VPS13B: variants seen among roughly 807,000 people sequenced by gnomAD.
VPS13B encodes the protein vacuolar protein sorting 13 homolog B, also known as intermembrane lipid transfer protein VPS13B.
VPS13B carries 285 observed loss-of-function variants against 426.4 expected under a neutral mutation model. That is an observed-to-expected ratio of 0.67 (90% confidence interval 0.61 to 0.74). VPS13B has a LOEUF of 0.74. VPS13B is among the 30% of genes least tolerant of loss of function. The pLI is 0.00. For synonymous variants in VPS13B, 1,676 were observed against 1,676.4 expected, an observed-to-expected ratio of 1.00 and a Z score of 0.01; for missense variants, 4,537 against 4,782.6, an observed-to-expected ratio of 0.95 and a Z score of 1.51.
At chr8:99,242,479 A>G (rs958461757) in intron 17 of VPS13B, among the ~76,000 whole-genome samples, 1 of 152,136 alleles carries the variant, frequency 6.6e-6, no homozygotes. Context: ...CTCATTTTAT[A>G]TGTATAGGTT....
At chr8:99,107,806 T>G (rs762406079) in intron 5 of VPS13B, among the ~76,000 whole-genome samples, 15 of 152,248 alleles carry the variant, frequency 9.9e-5, no homozygotes, top group Non-Finnish European at 2.1e-4. Flanking sequence ...TTTATTACCA[T>G]CCATACTATC....
At chr8:99,622,672 C>T (rs1386363885) in intron 33 of VPS13B, among the ~76,000 whole-genome samples, 1 of 152,142 alleles carries the variant, frequency 6.6e-6, no homozygotes, top group Non-Finnish European at 1.5e-5. Flanking sequence ...TTAGCATGTT[C>T]AGAATGGAAC....
At chr8:99,685,033 C>T (rs1282024793) in intron 35 of VPS13B, among the ~76,000 whole-genome samples, 1 of 152,192 alleles carries the variant, frequency 6.6e-6, no homozygotes, top group Non-Finnish European at 1.5e-5. Flanking sequence ...GAACTCCTGA[C>T]TTTGTGATCC....
intron 35 of VPS13B, among the ~76,000 whole-genome samples, chr8:99,671,574 G>A (rs761865288): frequency 5.3e-5 from 8 of 152,042 alleles, no homozygotes; most frequent in South Asian, 2.1e-4. Context: ...TTTCCCCTGT[G>A]TTTTCTTCTA....
At chr8:99,528,747 A>G (rs372572388) in intron 30 of VPS13B, among the ~76,000 whole-genome samples, 3 of 152,256 alleles carry the variant, frequency 2.0e-5, no homozygotes, top group Admixed American at 1.3e-4. Flanking sequence ...TAGATTTGCA[A>G]TTTTCACACA....
intron 21 of VPS13B, among the ~76,000 whole-genome samples, chr8:99,426,739 T>C (rs1816730538): frequency 5.8e-5 from 6 of 102,570 alleles, no homozygotes; most frequent in Admixed American, 2.0e-4. Flanking sequence ...TCATGTCCTT[T>C]GCCCACTTTT....
Position 99,637,418 on chromosome 8 carries a change from G to T in VPS13B, c.5221-4393G>T, listed in dbSNP as rs75582324. 3.1e-4 allele frequency among the ~76,000 whole-genome samples: 47 copies of T among 152,080 alleles called. No homozygotes were observed. In the East Asian group the frequency reaches 9.1e-3, roughly 29 times the overall value. ...TTAGGAATTTAGTTTTCTAGTACTG[G>T]GTAAGTTGTACTTTTTCTTTTCCTT... On this transcript the variant is annotated intron_variant, in intron 33 of 61. Coordinates refer to ENST00000357162, the MANE Select transcript of VPS13B (RefSeq NM_152564.5).
At chr8:99,349,492 A>G (rs1464222689) in intron 19 of VPS13B, among the ~76,000 whole-genome samples, 3 of 152,136 alleles carry the variant, frequency 2.0e-5, no homozygotes, top group African/African-American at 7.2e-5. Context: ...TTAGCACAGT[A>G]TGTATTTTAT....
At chr8:99,074,962 C>T (rs1384613162) in intron 3 of VPS13B, among the ~76,000 whole-genome samples, 1 of 151,994 alleles carries the variant, frequency 6.6e-6, no homozygotes, top group East Asian at 1.9e-4. Flanking sequence ...GTTGTTGTGT[C>T]CTTGTCTGTT....
At chr8:99,091,526 C>T (rs775918207) in intron 3 of VPS13B, among the ~76,000 whole-genome samples, 3 of 152,062 alleles carry the variant, frequency 2.0e-5, no homozygotes, top group Non-Finnish European at 4.4e-5. Context: ...TTTATTTAAG[C>T]ATGCTTGATA....
chr8:99,325,639 C>G (rs1810213117), intron 19 of VPS13B, among the ~76,000 whole-genome samples: 1 of 152,184 alleles, frequency 6.6e-6, no homozygotes. Flanking sequence ...TCTGGCATCT[C>G]AGGGGAGAGT....
intron 19 of VPS13B, among the ~76,000 whole-genome samples, chr8:99,361,339 C>G (rs1022806068): frequency 2.0e-5 from 3 of 152,096 alleles, no homozygotes; most frequent in Non-Finnish European, 2.9e-5. Flanking sequence ...TAATAAAAGA[C>G]CAGATAATTT....
chr8:99,508,373 G>C (rs1324352996), intron 28 of VPS13B, among the ~76,000 whole-genome samples: 1 of 152,122 alleles, frequency 6.6e-6, no homozygotes, highest in African/African-American at 2.4e-5. Flanking sequence ...TGAACACAAG[G>C]CTGTATCAGT....
rs1222888792 is a variant in VPS13B, at chr8:99,693,659, C to T, written c.6047-5866C>T. Among the ~76,000 whole-genome samples, 18 of 109,232 alleles carry T rather than the reference C, an allele frequency of 1.6e-4. No individual in the cohort carries two copies. In the East Asian group the frequency reaches 3.4e-3, roughly 21 times the overall value. 71.7% of individuals were successfully genotyped at this position (109,232 alleles called of 152,430 possible). A position where few individuals can be genotyped will look rare whatever the true frequency, so the allele number is the denominator to read the frequency against. Reference sequence around the variant, plus strand: ...ACAAGACAGGGATGCCCTCTCTCACCGCTCCTATTCAACATAGTGTTGGAA... The same window carrying T: ...ACAAGACAGGGATGCCCTCTCTCACTGCTCCTATTCAACATAGTGTTGGAA... On this transcript the variant is annotated intron_variant, in intron 35 of 61. Coordinates refer to ENST00000357162, the MANE Select transcript of VPS13B (RefSeq NM_152564.5).
chr8:99,275,041 G>GCA lies in VPS13B; in HGVS notation c.2651-40_2651-39insCA, dbSNP rs776783436. 313 of 1,516,244 alleles carry GCA rather than the reference G, an allele frequency of 2.1e-4. 1 individual carries two copies. In the African/African-American group the frequency reaches 4.1e-3, roughly 20 times the overall value. The allele number at this position is 1,516,244 out of a possible 1,614,324, so 93.9% of individuals were successfully genotyped here. On this transcript the variant is annotated intron_variant, in intron 18 of 61. Transcript: ENST00000357162. Reference sequence around the variant, plus strand: ...AATCAAACATTCTCAAGTGACTCATGTTTTATTTTTATTATTGTTTTATAA... The same window carrying GCA: ...AATCAAACATTCTCAAGTGACTCATGCATTTTATTTTTATTATTGTTTTATAA...
In VPS13B at chr8:99,188,697, A is replaced by G. The variant is rs1321671343; in HGVS notation, c.2334-4179A>G. On this transcript the variant is annotated intron_variant, in intron 16 of 61. Transcript: ENST00000357162. Reference sequence around the variant, plus strand: ...CTATACCTCTGTGCGTGATGTTCCAATTTCTACCTATTCAGGCCATACTTG... The same window carrying G: ...CTATACCTCTGTGCGTGATGTTCCAGTTTCTACCTATTCAGGCCATACTTG... Among the ~76,000 whole-genome samples the G allele has an allele frequency of 4.6e-5, 7 of 152,086 alleles. No individual in the cohort carries two copies. In the East Asian group the frequency reaches 7.7e-4, roughly 17 times the overall value.
At chr8:99,112,627 C>T (rs1442636342) in intron 6 of VPS13B, among the ~76,000 whole-genome samples, 1 of 152,100 alleles carries the variant, frequency 6.6e-6, no homozygotes, top group Non-Finnish European at 1.5e-5. Context: ...GGCTCTGTCT[C>T]AGGGAAATAC....
chr8:99,165,055 G>T (rs1218120310), intron 15 of VPS13B, among the ~76,000 whole-genome samples: 1 of 152,106 alleles, frequency 6.6e-6, no homozygotes, highest in Non-Finnish European at 1.5e-5. Flanking sequence ...GCAGATGAAA[G>T]ATTCCTTTTA....
chr8:99,509,071 T>G (rs574835941), intron 28 of VPS13B, among the ~76,000 whole-genome samples: 69 of 152,278 alleles, frequency 4.5e-4, no homozygotes, highest in African/African-American at 1.6e-3. Context: ...TGAGTTAGAT[T>G]TTTTTAGATT....
Sources: allele counts gnomAD v4.1 joint callset (sites outside exome capture counted in the v4.1 genomes callset), GRCh38; gene constraint gnomAD v4.1.1; transcripts MANE v1.5; gene names NCBI Gene and HGNC (gene_info 2026-07-23, HGNC 2026-07-21).